The following EPYC variants were observed in gnomAD, a reference collection of about 807,000 sequenced individuals.
EPYC encodes dermatan sulfate proteoglycan 3.
A neutral mutation model predicts 30.1 loss-of-function variants in EPYC; 28 were observed. The observed-to-expected ratio is 0.93, with a 90% CI of 0.69 to 1.28. The LOEUF (loss-of-function observed/expected upper bound fraction) is 1.28. EPYC is among the 50% of genes most tolerant of loss of function. The probability of loss-of-function intolerance (pLI) is 0.00; values close to 1 mark genes in which losing one functional copy is unlikely to be tolerated. For missense variants in EPYC, 382 were observed against 383.5 expected (o/e 1.00, Z 0.03); for synonymous variants, 144 against 141.4 (o/e 1.02, Z -0.13).
chr12:91,002,432 T>A lies in EPYC; in HGVS notation c.134A>T (p.Asn45Ile). Reference sequence around the variant, plus strand: ...TTTATCAACAGGTATGTTTTCATAGTTGTACAAATTATCCAGGTCTTCTAA... The same window carrying A: ...TTTATCAACAGGTATGTTTTCATAGATGTACAAATTATCCAGGTCTTCTAA... ...ATLEDLDNLY[N>I]YENIPVDKVE... The change falls in exon 2 of 7, where the codon AAC becomes ATC. Residue 45 changes from asparagine (N) to isoleucine (I), a missense_variant. By Grantham distance (149) the Asn-to-Ile change is moderately radical. Transcript: ENST00000261172. 6 of 1,612,986 alleles carry A rather than the reference T, an allele frequency of 3.7e-6. No individual in the cohort carries two copies. The highest frequency in any genetic ancestry group is 5.1e-6 in the Non-Finnish European group (6 of 1,179,450).
intron 3 of EPYC, among the ~76,000 whole-genome samples, chr12:90,974,009 C>T (rs926438540): frequency 2.2e-4 from 32 of 147,686 alleles, no homozygotes; most frequent in African/African-American, 7.7e-4. Flanking sequence ...TCTTGACATA[C>T]TGATTTTTCT....
intron 2 of EPYC, among the ~76,000 whole-genome samples, chr12:90,993,699 TATAAG>T (rs1877637094): frequency 6.6e-6 from 1 of 151,416 alleles, no homozygotes; most frequent in Non-Finnish European, 1.5e-5. Flanking sequence ...CAGTAATATA[TATAAG>T]ATATGATATA....
intron 6 of EPYC, among the ~76,000 whole-genome samples, chr12:90,966,254 A>C (rs996556709): frequency 2.6e-5 from 4 of 152,030 alleles, no homozygotes; most frequent in African/African-American, 9.7e-5. Context: ...TCTCCATTGA[A>C]GATGATGTTA....
chr12:90,971,784 C>G lies in EPYC; in HGVS notation c.702+16G>C. 6.6e-7 allele frequency: 1 copy of G among 1,510,254 alleles called. No individual in the cohort carries two copies. Among genetic ancestry groups the G allele is most frequent in the Non-Finnish European group, 8.9e-7 (1 of 1,123,788 alleles). 93.6% of individuals were successfully genotyped at this position (1,510,254 alleles called of 1,614,324 possible). A position where few individuals can be genotyped will look rare whatever the true frequency, so the allele number is the denominator to read the frequency against. On this transcript the variant is annotated intron_variant, in intron 5 of 6. Transcript: ENST00000261172. ...AATTGGAAGATAAAAGTCTGCATAT[C>G]AAACTTAAAACTTACTTTAAATGCT...
chr12:91,002,737 T>A (rs1877862003), intron 1 of EPYC, among the ~76,000 whole-genome samples, 159 bp from the exon 2 acceptor site: 1 of 152,096 alleles, frequency 6.6e-6, no homozygotes, highest in African/African-American at 2.4e-5. Flanking sequence ...AATCATCTGA[T>A]TTCCTAGGAC....
intron 2 of EPYC, among the ~76,000 whole-genome samples, chr12:90,996,617 A>T (rs1245274279): frequency 6.6e-6 from 1 of 152,030 alleles, no homozygotes; most frequent in Non-Finnish European, 1.5e-5. Flanking sequence ...CTAGAGTTTT[A>T]AAAAATTCAT....
chr12:90,998,566 A>T (rs763370663), intron 2 of EPYC, among the ~76,000 whole-genome samples: 1 of 152,106 alleles, frequency 6.6e-6, no homozygotes, highest in Admixed American at 6.6e-5. Flanking sequence ...ACAAAGCTCA[A>T]TTGAGATTCT....
chr12:90,995,613 T>C (rs1265397153), intron 2 of EPYC, among the ~76,000 whole-genome samples: 2 of 151,918 alleles, frequency 1.3e-5, no homozygotes, highest in African/African-American at 4.8e-5. Context: ...TATTACCTTA[T>C]TTCCAGGGTT....
chr12:90,967,934 C>T (rs1275708234), intron 6 of EPYC, among the ~76,000 whole-genome samples: 1 of 152,022 alleles, frequency 6.6e-6, no homozygotes, highest in Non-Finnish European at 1.5e-5. Context: ...CATACTACTG[C>T]ATTCTAGCCT....
At chr12:90,986,384 G>C (rs1877448970) in intron 2 of EPYC, among the ~76,000 whole-genome samples, 1 of 152,072 alleles carries the variant, frequency 6.6e-6, no homozygotes, top group African/African-American at 2.4e-5. Context: ...CCAATTCTAG[G>C]AGTACAAAAA....
chr12:90,995,840 A>G (rs1314061465), intron 2 of EPYC, among the ~76,000 whole-genome samples: 1 of 151,918 alleles, frequency 6.6e-6, no homozygotes, highest in East Asian at 1.9e-4. Context: ...ATGGAAAGTC[A>G]ATGAGACAAC....
intron 2 of EPYC, among the ~76,000 whole-genome samples, chr12:90,983,619 A>G (rs181540642): frequency 3.3e-4 from 50 of 152,236 alleles, no homozygotes; most frequent in African/African-American, 1.2e-3. Flanking sequence ...CCCTGCAGCC[A>G]TGCGAGGAAC....
chr12:90,964,008 T>TTATTA lies in EPYC; in HGVS notation c.*147_*148insTAATA. 1 of 268,082 alleles carries TTATTA rather than the reference T, an allele frequency of 3.7e-6. No individual in the cohort carries two copies. The highest frequency in any genetic ancestry group is 6.8e-5 in the South Asian group (1 of 14,712). The allele number at this position is 268,082 out of a possible 1,614,324, so 16.6% of individuals were successfully genotyped here. A position where few individuals can be genotyped will look rare whatever the true frequency, so the allele number is the denominator to read the frequency against. ...GGTGTTTTCTTAAATTACTACATTT[T>TTATTA]CATTATAACATTTTTAATTGTATTT... On this transcript the variant is annotated 3_prime_UTR_variant, in exon 7 of 7. Transcript: ENST00000261172.
In EPYC at chr12:90,972,832, A is replaced by G; in HGVS notation, c.489T>C (p.Phe163=). The change falls in exon 4 of 7, where the codon TTT becomes TTC. Residue 163 remains phenylalanine (F), a synonymous_variant. Coordinates refer to ENST00000261172, the MANE Select transcript of EPYC (RefSeq NM_004950.5). ...TGCTGTCATCCATACTTAGGCTTGC[A>G]AAGTCATTTTTGTTGATCTTTTTAA... The part of the protein sequence containing the change: ...NRIKKINKND[F]ASLSDLKRID... 1.2e-6 allele frequency: 2 copies of G among 1,613,474 alleles called. No individual in the cohort carries two copies. The highest frequency in any genetic ancestry group is 1.1e-5 in the South Asian group (1 of 91,036).
intron 2 of EPYC, among the ~76,000 whole-genome samples, chr12:90,988,904 A>G (rs529082002): frequency 6.6e-6 from 1 of 152,258 alleles, no homozygotes; most frequent in Admixed American, 6.5e-5. Context: ...GATTAAGGGA[A>G]GAGAACTAGC....
chr12:90,999,639 C>A (rs964757486), intron 2 of EPYC, among the ~76,000 whole-genome samples: 25 of 152,120 alleles, frequency 1.6e-4, no homozygotes, highest in African/African-American at 6.0e-4. Flanking sequence ...AAACAACTCA[C>A]CTTAATATAT....
chr12:90,983,290 TAA>T (rs1442894396), intron 2 of EPYC, among the ~76,000 whole-genome samples: 1 of 152,178 alleles, frequency 6.6e-6, no homozygotes, highest in Non-Finnish European at 1.5e-5. Context: ...TTGTAACTAC[TAA>T]CAGTTCTAAT....
At chr12:90,989,647 G>T (rs921567815) in intron 2 of EPYC, among the ~76,000 whole-genome samples, 1 of 151,930 alleles carries the variant, frequency 6.6e-6, no homozygotes, top group Non-Finnish European at 1.5e-5. Flanking sequence ...TGATTTTACA[G>T]TTTCATTTAA....
At chr12:90,993,092 T>A (rs893849879) in intron 2 of EPYC, among the ~76,000 whole-genome samples, 1 of 152,104 alleles carries the variant, frequency 6.6e-6, no homozygotes, top group Admixed American at 6.5e-5. Context: ...AACAATCAAA[T>A]CTCTTCTTAG....
Sources: allele counts gnomAD v4.1 joint callset (sites outside exome capture counted in the v4.1 genomes callset), GRCh38; gene constraint gnomAD v4.1.1; transcripts MANE v1.5; gene names NCBI Gene and HGNC (gene_info 2026-07-23, HGNC 2026-07-21).